KIDINS220: variants seen among roughly 807,000 people sequenced by gnomAD.
KIDINS220 encodes kinase D-interacting substrate of 220 kDa.
KIDINS220 carries 63 observed loss-of-function variants against 157.6 expected under a neutral mutation model. That is an observed-to-expected ratio of 0.40 (90% confidence interval 0.33 to 0.49). The LOEUF (loss-of-function observed/expected upper bound fraction) is 0.49. Ranked by LOEUF, KIDINS220 falls within the 20% of genes least tolerant of loss-of-function variation. The pLI is 0.66. For synonymous variants in KIDINS220, 732 were observed against 783.6 expected (o/e 0.93, Z 1.10); for missense variants, 1,772 against 2,171.2 (o/e 0.82, Z 3.65).
At chr2:8,788,471 G>T (rs1013867007) in intron 15 of KIDINS220, among the ~76,000 whole-genome samples, 176 bp downstream of exon 15, 34 of 152,148 alleles carry the variant, frequency 2.2e-4, no homozygotes, top group Non-Finnish European at 7.3e-5. Flanking sequence ...GTTTCACCAT[G>T]TTGGCCAGGC....
At chr2:8,777,277 T>G (rs890298502) in intron 20 of KIDINS220, among the ~76,000 whole-genome samples, 2 of 152,188 alleles carry the variant, frequency 1.3e-5, no homozygotes, top group African/African-American at 4.8e-5. Context: ...TGTCTGGTTT[T>G]AAGGATTCAG....
rs73916006 is a variant in KIDINS220, at chr2:8,788,919, C to T, written c.1622-107G>A. The stretch of plus-strand genomic sequence containing the variant: ...ATGAGAGCTAAGCTTACATAGCTTC[C>T]TATGGTCCCATACTATTTCCTAACT... On this transcript the variant is annotated intron_variant, in intron 14 of 29. Coordinates refer to ENST00000256707, the MANE Select transcript of KIDINS220 (RefSeq NM_020738.4). The T allele has an allele frequency of 4.1e-3, 3,780 of 927,934 alleles. 90 individuals carry two copies. In the African/African-American group the frequency reaches 0.056, roughly 14 times the overall value. 57.5% of individuals were successfully genotyped at this position (927,934 alleles called of 1,614,324 possible).
rs780524866 is a variant in KIDINS220, at chr2:8,736,881, G to T, written c.3704C>A (p.Thr1235Asn). ...TGGCTGCCTCACCTTTTTGATCGTG[G>T]TACAATACTGAGGCAGCATACTCTG... ...LDQSMLPQYC[T>N]TIKKANINGR... The change falls in exon 27 of 30, where the codon ACC becomes AAC. Residue 1235 changes from threonine (T) to asparagine (N), a missense_variant. Around this residue, in one of 3 missense-constraint regions of KIDINS220, gnomAD observed 793 missense variants for 885.5 expected, o/e 0.90. Transcript: ENST00000256707. 2 of 1,613,988 alleles carry T rather than the reference G, an allele frequency of 1.2e-6. No homozygotes were observed. Among genetic ancestry groups the T allele is most frequent in the East Asian group, 2.2e-5 (1 of 44,894 alleles).
chr2:8,800,578 G>GTT (rs2148321516), intron 8 of KIDINS220, 80 bp from the exon 9 acceptor site: 2 of 996,288 alleles, frequency 2.0e-6, no homozygotes, highest in Non-Finnish European at 3.0e-6. Context: ...AGTTAATCAT[G>GTT]TTTTCATATT....
Position 8,827,135 on chromosome 2 carries a change from AAATTAGACAAAATACACATAATTTAT to A in KIDINS220, c.-36-32_-36-7del, listed in dbSNP as rs1558502608. 1.0e-6 allele frequency: 1 copy of A among 972,686 alleles called. No individual in the cohort carries two copies. Among genetic ancestry groups the A allele is most frequent in the South Asian group, 1.5e-5 (1 of 67,396 alleles). The allele number at this position is 972,686 out of a possible 1,614,324, so 60.3% of individuals were successfully genotyped here. ...AATTAACTTTATTTGAATACCTGTT[AAATTAGACAAAATACACATAATTTAT>A]AATTAGAAAAAATTAAGTTACTATT... On this transcript the variant is annotated splice_region_variant and splice_polypyrimidine_tract_variant and intron_variant, in intron 1 of 29. Coordinates refer to ENST00000256707, the MANE Select transcript of KIDINS220 (RefSeq NM_020738.4).
At chr2:8,805,283 A>G (rs1675286461) in intron 7 of KIDINS220, among the ~76,000 whole-genome samples, 1 of 152,070 alleles carries the variant, frequency 6.6e-6, no homozygotes, top group East Asian at 1.9e-4. Flanking sequence ...TGAAGGCATG[A>G]TTTATTAAAT....
Position 8,760,934 on chromosome 2 carries a change from A to T in KIDINS220, c.3012-9290T>A, listed in dbSNP as rs1180121891. Among the ~76,000 whole-genome samples, 3 of 152,204 alleles carry T rather than the reference A, an allele frequency of 2.0e-5. No individual in the cohort carries two copies. The East Asian group carries it at 5.8e-4, about 29-fold the overall frequency. On this transcript the variant is annotated intron_variant, in intron 22 of 29. Transcript: ENST00000256707. ...TATTAGTAATTCAGGTGACAAAGCA[A>T]TACTTTCAGCTAGGGTAATGAGAGA...
At chr2:8,747,781 T>A (rs531946735) in intron 25 of KIDINS220, 106 bp downstream of exon 25, 1 of 543,290 alleles carries the variant, frequency 1.8e-6, no homozygotes, top group African/African-American at 2.0e-5. Context: ...AAACTATGTA[T>A]AAAATCAGTT....
intron 21 of KIDINS220, 80 bp downstream of exon 21, chr2:8,776,668 T>C (rs2148195528): frequency 7.8e-7 from 1 of 1,282,880 alleles, no homozygotes; most frequent in Non-Finnish European, 1.1e-6. Flanking sequence ...ACACAATACA[T>C]ACCTTTGTTT....
At position 8,730,618 on chromosome 2, in the gene KIDINS220, T is replaced by G. The variant is rs1261671482; in HGVS notation, c.*102A>C. On this transcript the variant is annotated 3_prime_UTR_variant, in exon 30 of 30. Transcript: ENST00000256707. ...TCGGCCTCATCATCGGTTAGTTATC[T>G]GTCAGCAAAATGTAGAAAGGTGATG... 4 of 1,470,832 alleles carry G rather than the reference T, an allele frequency of 2.7e-6. No individual in the cohort carries two copies. The highest frequency in any genetic ancestry group is 2.7e-6 in the Non-Finnish European group (3 of 1,118,266). The allele number at this position is 1,470,832 out of a possible 1,614,324, so 91.1% of individuals were successfully genotyped here.
intron 20 of KIDINS220, 63 bp downstream of exon 20, chr2:8,778,576 T>C: frequency 3.9e-6 from 4 of 1,028,838 alleles, no homozygotes; most frequent in Non-Finnish European, 6.2e-6. Context: ...AGTGGCATCA[T>C]CTTTATTTGT....
chr2:8,740,579 T>C (rs942051436), intron 26 of KIDINS220, among the ~76,000 whole-genome samples: 3 of 152,340 alleles, frequency 2.0e-5, no homozygotes, highest in Admixed American at 2.0e-4. Context: ...CTTAGTTACT[T>C]AGACTATCAC....
chr2:8,739,053 T>C (rs979641802), intron 26 of KIDINS220, among the ~76,000 whole-genome samples: 1 of 152,104 alleles, frequency 6.6e-6, no homozygotes, highest in Non-Finnish European at 1.5e-5. Flanking sequence ...GAGGGAAAAA[T>C]GTAAAATACT....
At chr2:8,763,309 C>G (rs1357081876) in intron 22 of KIDINS220, among the ~76,000 whole-genome samples, 1 of 152,148 alleles carries the variant, frequency 6.6e-6, no homozygotes, top group African/African-American at 2.4e-5. Flanking sequence ...ATCTGAAATG[C>G]TTGGGACTAG....
intron 25 of KIDINS220, chr2:8,747,528 G>A: frequency 2.4e-6 from 1 of 424,940 alleles, no homozygotes; most frequent in Admixed American, 3.8e-5. Context: ...ATATCATGGT[G>A]CTAATATTTA....
At chr2:8,733,929 TTC>T (rs1223985793) in intron 28 of KIDINS220, among the ~76,000 whole-genome samples, 3 of 152,198 alleles carry the variant, frequency 2.0e-5, no homozygotes, top group South Asian at 4.1e-4. Context: ...AAATTATTAC[TTC>T]TGTTTAAAAC....
At chr2:8,824,706 G>A (rs1486699731) in intron 2 of KIDINS220, among the ~76,000 whole-genome samples, 1 of 152,018 alleles carries the variant, frequency 6.6e-6, no homozygotes, top group African/African-American at 2.4e-5. Context: ...GCAAAAACAT[G>A]TATAATATTT....
At chr2:8,807,560 G>T (rs1240298385) in intron 6 of KIDINS220, among the ~76,000 whole-genome samples, 2 of 152,148 alleles carry the variant, frequency 1.3e-5, no homozygotes, top group African/African-American at 2.4e-5. Context: ...TTTAATTAAT[G>T]TAAGTCTAAG....
chr2:8,742,096 T>G (rs1210230568), intron 26 of KIDINS220, among the ~76,000 whole-genome samples: 1 of 152,018 alleles, frequency 6.6e-6, no homozygotes. Context: ...AAACCAGTGG[T>G]GAAAATAAAA....
Sources: allele counts gnomAD v4.1 joint callset (sites outside exome capture counted in the v4.1 genomes callset), GRCh38; gene constraint gnomAD v4.1.1; regional missense constraint gnomAD v4.1.1; transcripts MANE v1.5; gene names NCBI Gene and HGNC (gene_info 2026-07-23, HGNC 2026-07-21).